SLC47A2: variants seen among roughly 807,000 people sequenced by gnomAD.
SLC47A2 encodes the protein solute carrier family 47 member 2.
Under a neutral mutation model 67.7 loss-of-function variants are expected in SLC47A2, and 52 were observed. The observed-to-expected ratio is 0.77, with a 90% CI of 0.61 to 0.97. SLC47A2 has a LOEUF of 0.97. Ranked by LOEUF, SLC47A2 falls within the 50% of genes least tolerant of loss-of-function variation. The probability of loss-of-function intolerance (pLI) is 0.00; values close to 1 mark genes in which losing one functional copy is unlikely to be tolerated. For synonymous variants in SLC47A2, 278 were observed against 292.9 expected (o/e 0.95, Z 0.52); for missense variants, 676 against 712.3 (o/e 0.95, Z 0.58).
chr17:19,680,665 C>T (rs946436274), intron 15 of SLC47A2, among the ~76,000 whole-genome samples: 1 of 151,998 alleles, frequency 6.6e-6, no homozygotes, highest in African/African-American at 2.4e-5. Flanking sequence ...GCAAAGGCTG[C>T]CCTGCCCTGT....
intron 13 of SLC47A2, among the ~76,000 whole-genome samples, chr17:19,699,538 C>T (rs995276980): frequency 6.6e-6 from 1 of 151,442 alleles, no homozygotes; most frequent in East Asian, 1.9e-4. Context: ...GTGCCAACCC[C>T]GCCTCCCCGC....
chr17:19,703,502 G>GC (rs1227170986), intron 11 of SLC47A2, among the ~76,000 whole-genome samples: 2 of 152,242 alleles, frequency 1.3e-5, no homozygotes, highest in Admixed American at 1.3e-4. Context: ...TGCTGGTGAG[G>GC]CCCAGCAATC....
intron 13 of SLC47A2, among the ~76,000 whole-genome samples, chr17:19,688,855 G>A (rs371745054): frequency 1.2e-4 from 18 of 151,358 alleles, no homozygotes; most frequent in African/African-American, 3.9e-4. Flanking sequence ...ACTGTGCCCC[G>A]CTGGTGATAT....
chr17:19,700,441 C>G (rs900755357), intron 13 of SLC47A2, among the ~76,000 whole-genome samples: 1 of 152,196 alleles, frequency 6.6e-6, no homozygotes, highest in Non-Finnish European at 1.5e-5. Flanking sequence ...CTACTGCCCC[C>G]TGGAAGGGGA....
chr17:19,692,381 G>A, intron 13 of SLC47A2: 1 of 377,966 alleles, frequency 2.6e-6, no homozygotes, highest in Non-Finnish European at 5.1e-6. Context: ...TGACCATAAA[G>A]AAGAAAATTA....
rs1004042537 is a variant in SLC47A2, at chr17:19,701,256, G to A, written c.1164+1349C>T. Among the ~76,000 whole-genome samples, 3 of 152,008 alleles carry A rather than the reference G, an allele frequency of 2.0e-5. No individual in the cohort carries two copies. In the East Asian group the frequency reaches 5.8e-4, roughly 29 times the overall value. ...TTTCATTTAATGTTCCTTGATAAAG[G>A]CCACAAATATGATGCCAGAACACAG... On this transcript the variant is annotated intron_variant, in intron 13 of 16. Coordinates refer to ENST00000433844, the MANE Select transcript of SLC47A2 (RefSeq NM_001099646.3).
At chr17:19,687,894 T>G (rs2085460492) in intron 13 of SLC47A2, among the ~76,000 whole-genome samples, 1 of 152,198 alleles carries the variant, frequency 6.6e-6, no homozygotes, top group African/African-American at 2.4e-5. Context: ...TCAAGTGTAA[T>G]CATAAGTCTC....
At position 19,685,928 on chromosome 17, in the gene SLC47A2, G is replaced by T. The variant is rs929881520; in HGVS notation, c.1165-4258C>A. Reference sequence around the variant, plus strand: ...TTTTCTTAATTTTCTCTGCTTGTTTGTTTTTGCAATCAGTATTTAGTTGTC... The same window carrying T: ...TTTTCTTAATTTTCTCTGCTTGTTTTTTTTTGCAATCAGTATTTAGTTGTC... On this transcript the variant is annotated intron_variant, in intron 13 of 16. Coordinates refer to ENST00000433844, the MANE Select transcript of SLC47A2 (RefSeq NM_001099646.3). The surrounding 1 kb of genome is among the most constrained non-coding windows in gnomAD (Gnocchi z 4.5). Among the ~76,000 whole-genome samples, 1 of 152,166 alleles carries T rather than the reference G, an allele frequency of 6.6e-6. No homozygotes were observed. Among genetic ancestry groups the T allele is most frequent in the Non-Finnish European group, 1.5e-5 (1 of 68,024 alleles).
chr17:19,709,954 GA>G (rs1010719304), intron 5 of SLC47A2, among the ~76,000 whole-genome samples: 9 of 152,230 alleles, frequency 5.9e-5, no homozygotes, highest in African/African-American at 2.2e-4. Context: ...CCGTAAACCA[GA>G]AAAAAATCTG....
chr17:19,708,015 G>C (rs1193246991), intron 7 of SLC47A2, among the ~76,000 whole-genome samples, 172 bp from the exon 8 acceptor site: 1 of 152,208 alleles, frequency 6.6e-6, no homozygotes, highest in Non-Finnish European at 1.5e-5. Context: ...GGCCATGGTG[G>C]CTCTACCAAG....
intron 13 of SLC47A2, among the ~76,000 whole-genome samples, chr17:19,699,241 A>G (rs138744308): frequency 6.6e-6 from 1 of 152,322 alleles, no homozygotes; most frequent in East Asian, 1.9e-4. Context: ...ATCCACATAC[A>G]AAATAATGAA....
rs544641734 is a variant in SLC47A2 at position 19,712,058 on chromosome 17, T to C, written c.486+645A>G. 5.9e-5 allele frequency among the ~76,000 whole-genome samples: 9 copies of C among 152,316 alleles called. No homozygotes were observed. In the East Asian group the frequency reaches 1.7e-3, roughly 29 times the overall value. On this transcript the variant is annotated intron_variant, in intron 5 of 16. Transcript: ENST00000433844. Reference sequence around the variant, plus strand: ...CTGATCCCATTCCAATTTGTGTTTATGTGTGTGTTTGAATACACACACCCG... The same window carrying C: ...CTGATCCCATTCCAATTTGTGTTTACGTGTGTGTTTGAATACACACACCCG...
At chr17:19,716,134 T>G in intron 1 of SLC47A2, 2 of 367,374 alleles carry the variant, frequency 5.4e-6, no homozygotes, top group East Asian at 5.0e-5. Context: ...CTGGGTCCCA[T>G]TTGTCCTGGA....
intron 4 of SLC47A2, 94 bp downstream of exon 4, chr17:19,713,731 A>G (rs1474944522): frequency 1.3e-6 from 2 of 1,518,372 alleles, no homozygotes; most frequent in African/African-American, 1.4e-5. Context: ...GGCCTAGAGA[A>G]GCATGGGGTG....
intron 13 of SLC47A2, among the ~76,000 whole-genome samples, chr17:19,694,489 C>T (rs2085613728): frequency 6.6e-6 from 1 of 152,218 alleles, no homozygotes; most frequent in African/African-American, 2.4e-5. Flanking sequence ...TGATTTTCAA[C>T]TGTGTTTCCA....
intron 13 of SLC47A2, among the ~76,000 whole-genome samples, chr17:19,694,078 A>G (rs1043713866): frequency 6.6e-6 from 1 of 152,222 alleles, no homozygotes; most frequent in African/African-American, 2.4e-5. Context: ...CAAAAGAAGT[A>G]TAAGATTTGT....
At chr17:19,688,614 T>G (rs151110745) in intron 13 of SLC47A2, among the ~76,000 whole-genome samples, 10 of 152,316 alleles carry the variant, frequency 6.6e-5, no homozygotes, top group African/African-American at 1.9e-4. Flanking sequence ...TTTTTGGAGA[T>G]GGAGTCTCGC....
chr17:19,680,243 C>T (rs974324891), intron 15 of SLC47A2, among the ~76,000 whole-genome samples: 3 of 151,870 alleles, frequency 2.0e-5, no homozygotes, highest in African/African-American at 7.3e-5. Flanking sequence ...TTTGGGAGGC[C>T]GAGGCGGGTG....
chr17:19,678,933 A>G, intron 16 of SLC47A2, 27 bp from the exon 17 acceptor site: 1 of 1,549,618 alleles, frequency 6.5e-7, no homozygotes, highest in East Asian at 2.4e-5. Flanking sequence ...GAGCAAACTC[A>G]GCAGGTCAGG....
Sources: gnomAD v4.1 joint callset for allele counts (sites outside exome capture counted in the v4.1 genomes callset) on GRCh38, gnomAD v4.1.1 for gene constraint, Gnocchi (gnomAD v3.1) non-coding constraint, MANE v1.5 for transcripts, NCBI Gene and HGNC (gene_info 2026-07-23, HGNC 2026-07-21) for gene names.